Variants in MACROD2 observed in about 807,000 individuals in gnomAD.
The protein encoded by MACROD2 is mono-ADP ribosylhydrolase 2.
Under a neutral mutation model 70.4 loss-of-function variants are expected in MACROD2, and 36 were observed. That is an observed-to-expected ratio of 0.51 (90% CI 0.39 to 0.68). The LOEUF (loss-of-function observed/expected upper bound fraction) is 0.68, where lower values mean the gene tolerates loss of function less well. Ranked by LOEUF, MACROD2 falls within the 30% of genes least tolerant of loss-of-function variation. The pLI, the probability that MACROD2 is intolerant of heterozygous loss-of-function variation, is 0.00. For missense variants in MACROD2, 496 were observed against 538.4 expected, an observed-to-expected ratio of 0.92 and a Z score of 0.78; for synonymous variants, 172 against 178.8, an observed-to-expected ratio of 0.96 and a Z score of 0.30.
At chr20:15,416,010 G>T (rs926121456) in intron 6 of MACROD2, among the ~76,000 whole-genome samples, 2 of 152,194 alleles carry the variant, frequency 1.3e-5, no homozygotes, top group African/African-American at 4.8e-5. Context: ...ATGGCCAGCT[G>T]CTTGCTCCCC....
chr20:15,417,293 G>A (rs963601464), intron 6 of MACROD2, among the ~76,000 whole-genome samples: 19 of 151,876 alleles, frequency 1.3e-4, no homozygotes, highest in East Asian at 3.9e-4. Context: ...GTAATGGTTC[G>A]TAAAGTGTGG....
At chr20:14,017,718 G>C (rs950973377) in intron 2 of MACROD2, among the ~76,000 whole-genome samples, 1 of 151,996 alleles carries the variant, frequency 6.6e-6, no homozygotes, top group East Asian at 1.9e-4. Context: ...TAGTATTGAG[G>C]ATTTTTTTCA....
chr20:14,899,132 CCTTTT>C (rs1320852466), intron 5 of MACROD2, among the ~76,000 whole-genome samples: 1 of 152,174 alleles, frequency 6.6e-6, no homozygotes, highest in African/African-American at 2.4e-5. Context: ...ACATCTGCCT[CCTTTT>C]CTTGTACACA....
intron 4 of MACROD2, among the ~76,000 whole-genome samples, chr20:14,543,823 A>G (rs959304900): frequency 3.3e-5 from 5 of 152,182 alleles, no homozygotes; most frequent in African/African-American, 1.2e-4. Context: ...AGGGAAGATC[A>G]TGGATTTCAT....
chr20:14,108,467 T>A, intron 3 of MACROD2, among the ~76,000 whole-genome samples: 2 of 143,742 alleles, frequency 1.4e-5, no homozygotes. Context: ...ATAAAGTGGC[T>A]AAGTGGATAA....
intron 2 of MACROD2, among the ~76,000 whole-genome samples, chr20:14,072,499 C>A (rs1163784795): frequency 6.6e-6 from 1 of 151,496 alleles, no homozygotes; most frequent in Non-Finnish European, 1.5e-5. Context: ...AGCCTTCTTA[C>A]CAGCTGTGTG....
rs1032879144 is a variant in MACROD2 at position 15,323,876 on chromosome 20, A to G, written c.540+93815A>G. Among the ~76,000 whole-genome samples the G allele has an allele frequency of 9.2e-5, 14 of 152,276 alleles. 1 individual carries two copies. The South Asian group carries it at 2.5e-3, about 27-fold the overall frequency. The stretch of plus-strand genomic sequence containing the variant: ...CAGGCTACACTTGAACAGGTAGAGC[A>G]GGGAATGCCATGTAGACCTCATGTA... On this transcript the variant is annotated intron_variant, in intron 6 of 17. Transcript: ENST00000684519.
intron 5 of MACROD2, among the ~76,000 whole-genome samples, chr20:15,048,120 T>TAAATAAATAAATAAATAAATAAA: frequency 9.8e-6 from 1 of 102,236 alleles, no homozygotes; most frequent in Non-Finnish European, 2.2e-5. Context: ...AAATAAATAA[T>TAAATAAATAAATAAATAAATAAA]AAAAAATTAG....
chr20:15,744,820 CT>C (rs1212825335), intron 8 of MACROD2, among the ~76,000 whole-genome samples: 1 of 151,810 alleles, frequency 6.6e-6, no homozygotes, highest in Non-Finnish European at 1.5e-5. Context: ...CTCTTTGCAA[CT>C]TTTTTTAAAA....
chr20:15,712,895 C>T (rs1382476264), intron 8 of MACROD2, among the ~76,000 whole-genome samples: 2 of 152,170 alleles, frequency 1.3e-5, no homozygotes, highest in Non-Finnish European at 2.9e-5. Context: ...CCTGGAGAGG[C>T]TGAATGACTT....
At chr20:15,468,757 A>G (rs879720646) in intron 7 of MACROD2, among the ~76,000 whole-genome samples, 6 of 152,152 alleles carry the variant, frequency 3.9e-5, no homozygotes, top group Non-Finnish European at 8.8e-5. Flanking sequence ...GCTCTAAGCC[A>G]TCTTCCTTTC....
chr20:14,278,783 A>C (rs923907940), intron 3 of MACROD2, among the ~76,000 whole-genome samples: 5 of 152,186 alleles, frequency 3.3e-5, no homozygotes, highest in African/African-American at 1.2e-4. Context: ...GGAGTACATG[A>C]GTTCTGCCTC....
chr20:14,861,487 C>T (rs762123804), intron 5 of MACROD2, among the ~76,000 whole-genome samples: 1 of 151,888 alleles, frequency 6.6e-6, no homozygotes, highest in Non-Finnish European at 1.5e-5. Flanking sequence ...AAAGAAATAC[C>T]CTGACCTTCC....
chr20:15,705,450 C>T (rs901798020), intron 8 of MACROD2, among the ~76,000 whole-genome samples: 3 of 152,008 alleles, frequency 2.0e-5, no homozygotes, highest in African/African-American at 7.2e-5. Context: ...AATGGAGTCT[C>T]ACTCTGTCGC....
At chr20:15,938,224 C>T (rs1459470076) in intron 12 of MACROD2, among the ~76,000 whole-genome samples, 1 of 152,106 alleles carries the variant, frequency 6.6e-6, no homozygotes, top group Non-Finnish European at 1.5e-5. Context: ...GGTTCATTGG[C>T]AAGTCCCCAG....
intron 5 of MACROD2, among the ~76,000 whole-genome samples, chr20:14,780,723 A>G (rs1252563195): frequency 2.0e-5 from 3 of 152,140 alleles, no homozygotes; most frequent in Non-Finnish European, 4.4e-5. Flanking sequence ...ATTGATAGAT[A>G]GTAATGAAAC....
At chr20:15,155,297 C>A (rs2076299275) in intron 5 of MACROD2, among the ~76,000 whole-genome samples, 1 of 152,144 alleles carries the variant, frequency 6.6e-6, no homozygotes. Context: ...AGGCTGCAAT[C>A]CTGTCTGCCA....
At chr20:14,286,038 C>A (rs1016818983) in intron 3 of MACROD2, among the ~76,000 whole-genome samples, 9 of 151,082 alleles carry the variant, frequency 6.0e-5, no homozygotes, top group African/African-American at 2.2e-4. Flanking sequence ...CACAGGAACA[C>A]TGTTAGGAGG....
intron 15 of MACROD2, among the ~76,000 whole-genome samples, chr20:16,002,201 G>A (rs1449450768): frequency 6.6e-6 from 1 of 152,106 alleles, no homozygotes; most frequent in Non-Finnish European, 1.5e-5. Context: ...ATCACCTATA[G>A]TAAGGAATAA....
Sources: allele counts gnomAD v4.1 joint callset (sites outside exome capture counted in the v4.1 genomes callset), GRCh38; gene constraint gnomAD v4.1.1; transcripts MANE v1.5; gene names NCBI Gene and HGNC (gene_info 2026-07-23, HGNC 2026-07-21).